CLYBL: variants seen among roughly 807,000 people sequenced by gnomAD.
The protein encoded by CLYBL is citramalyl-CoA lyase, mitochondrial.
A neutral mutation model predicts 38.9 loss-of-function variants in CLYBL; 31 were observed. The observed-to-expected ratio is 0.80, with a 90% CI of 0.60 to 1.08. CLYBL has a LOEUF of 1.08. Among genes scored for constraint, CLYBL ranks in the 50% least tolerant of loss-of-function variants. CLYBL has a pLI of 0.00. For missense variants in CLYBL, 434 were observed against 411.6 expected (o/e 1.05, Z -0.47); for synonymous variants, 171 against 158.6 (o/e 1.08, Z -0.59).
intron 2 of CLYBL, among the ~76,000 whole-genome samples, chr13:99,820,669 A>G (rs2761167): frequency 0.57 from 86,737 of 151,986 alleles, 25,428 homozygotes; most frequent in East Asian, 0.83. Context: ...ATTTGCAGAA[A>G]TATTTAACCC....
intron 1 of CLYBL, among the ~76,000 whole-genome samples, chr13:99,608,375 GGTCTGAACTTCTTAC>G (rs2046566310): frequency 6.6e-6 from 1 of 152,130 alleles, no homozygotes; most frequent in East Asian, 1.9e-4. Flanking sequence ...GCCCGGCCTG[GGTCTGAACTTCTTAC>G]GTCTTCTTGC....
chr13:99,782,325 G>A (rs2049674930), intron 2 of CLYBL, among the ~76,000 whole-genome samples: 1 of 152,108 alleles, frequency 6.6e-6, no homozygotes, highest in African/African-American at 2.4e-5. Context: ...TGGCCAACAT[G>A]GTGAAACCTT....
intron 2 of CLYBL, among the ~76,000 whole-genome samples, chr13:99,810,518 G>A (rs1024728863): frequency 3.9e-5 from 6 of 152,186 alleles, no homozygotes; most frequent in African/African-American, 4.8e-5. Flanking sequence ...TGTGAGAAGC[G>A]AAGCTTGGCT....
At chr13:99,638,984 G>A (rs1004754456) in intron 1 of CLYBL, among the ~76,000 whole-genome samples, 6 of 152,138 alleles carry the variant, frequency 3.9e-5, no homozygotes, top group Non-Finnish European at 5.9e-5. Flanking sequence ...GGGCTCTTTC[G>A]ACAAGGCCAT....
chr13:99,898,304 TAG>T (rs1295911309), downstream of CLYBL, among the ~76,000 whole-genome samples: 5 of 152,116 alleles, frequency 3.3e-5, no homozygotes, highest in Non-Finnish European at 5.9e-5. Flanking sequence ...AGCTTTGTGG[TAG>T]AGAGTTTCTT....
At chr13:99,608,510 C>T (rs946527555) in intron 1 of CLYBL, among the ~76,000 whole-genome samples, 1 of 152,168 alleles carries the variant, frequency 6.6e-6, no homozygotes, top group Non-Finnish European at 1.5e-5. Context: ...ACCCCTCGCC[C>T]TAGAGGAGCA....
intron 1 of CLYBL, among the ~76,000 whole-genome samples, chr13:99,654,743 C>A (rs1007700676): frequency 6.6e-6 from 1 of 152,176 alleles, no homozygotes; most frequent in Admixed American, 6.5e-5. Context: ...CCGTGGCTCA[C>A]GCCTGTAATC....
chr13:99,637,962 CTTTTTT>C (rs34513643), intron 1 of CLYBL, among the ~76,000 whole-genome samples: 6 of 94,998 alleles, frequency 6.3e-5, no homozygotes, highest in Non-Finnish European at 1.2e-4. Flanking sequence ...TCAACAGTGC[CTTTTTT>C]TTTTTTTTTT....
At chr13:99,816,788 T>C (rs2050457645) in intron 2 of CLYBL, among the ~76,000 whole-genome samples, 1 of 152,204 alleles carries the variant, frequency 6.6e-6, no homozygotes, top group Admixed American at 6.5e-5. Flanking sequence ...AAGAAATTTT[T>C]ATTGTTTATA....
At chr13:99,777,070 G>A (rs1210331218) in intron 2 of CLYBL, among the ~76,000 whole-genome samples, 1 of 151,896 alleles carries the variant, frequency 6.6e-6, no homozygotes, top group Non-Finnish European at 1.5e-5. Context: ...GGAGAGATGG[G>A]GTTTTACCAT....
intron 1 of CLYBL, among the ~76,000 whole-genome samples, chr13:99,650,741 T>C (rs750243653): frequency 4.6e-5 from 7 of 152,126 alleles, no homozygotes; most frequent in Non-Finnish European, 8.8e-5. Flanking sequence ...TCCCAGCCAT[T>C]GTGGCTCTTT....
chr13:99,818,691 A>C (rs2050511666), intron 2 of CLYBL, among the ~76,000 whole-genome samples: 1 of 152,202 alleles, frequency 6.6e-6, no homozygotes. Context: ...CACTTAATCC[A>C]CTTGAGATTG....
chr13:99,836,167 G>A (rs1427947299), intron 2 of CLYBL, among the ~76,000 whole-genome samples: 1 of 152,196 alleles, frequency 6.6e-6, no homozygotes, highest in East Asian at 1.9e-4. Flanking sequence ...CCGTGAGTAT[G>A]AGGGGGACTT....
At chr13:99,874,657 C>T (rs1408255117) in intron 7 of CLYBL, among the ~76,000 whole-genome samples, 2 of 152,012 alleles carry the variant, frequency 1.3e-5, no homozygotes, top group Non-Finnish European at 2.9e-5. Flanking sequence ...ACACATATAG[C>T]ATACATGTTT....
intron 1 of CLYBL, among the ~76,000 whole-genome samples, chr13:99,678,995 C>T (rs2047693227): frequency 1.3e-5 from 2 of 152,056 alleles, no homozygotes; most frequent in Admixed American, 6.6e-5. Context: ...ATATATTGCT[C>T]ATTAGAAAAA....
chr13:99,817,914 G>A (rs1466209426), intron 2 of CLYBL, among the ~76,000 whole-genome samples: 1 of 151,954 alleles, frequency 6.6e-6, no homozygotes, highest in Admixed American at 6.6e-5. Flanking sequence ...TGAGGCAGGA[G>A]GATCGCTTGA....
At chr13:99,867,898 G>GC (rs1470403843) in intron 6 of CLYBL, among the ~76,000 whole-genome samples, 1 of 152,132 alleles carries the variant, frequency 6.6e-6, no homozygotes, top group Non-Finnish European at 1.5e-5. Flanking sequence ...GTAAATGTTT[G>GC]CCCCAGAACT....
intron 1 of CLYBL, among the ~76,000 whole-genome samples, chr13:99,678,980 T>A (rs2047692901): frequency 6.6e-6 from 1 of 152,194 alleles, no homozygotes; most frequent in East Asian, 1.9e-4. Flanking sequence ...TTGTTTGTAT[T>A]TCTAATATAT....
intron 1 of CLYBL, among the ~76,000 whole-genome samples, chr13:99,669,301 C>T (rs564295300): frequency 1.3e-5 from 2 of 152,260 alleles, no homozygotes; most frequent in East Asian, 3.9e-4. Context: ...CGCGCCCGGC[C>T]AGGTCCTTAG....
Sources: gnomAD v4.1 joint callset for allele counts (sites outside exome capture counted in the v4.1 genomes callset) on GRCh38, gnomAD v4.1.1 for gene constraint, MANE v1.5 for transcripts, NCBI Gene and HGNC (gene_info 2026-07-23, HGNC 2026-07-21) for gene names.